Variants in PRKCA observed in about 807,000 individuals in gnomAD.
PRKCA encodes the protein protein kinase C alpha, also known as protein kinase C alpha type.
PRKCA carries 27 observed loss-of-function variants against 87.0 expected under a neutral mutation model. That is an observed-to-expected ratio of 0.31 (90% CI 0.23 to 0.43). The LOEUF (loss-of-function observed/expected upper bound fraction) is 0.43. Ranked by LOEUF, PRKCA falls within the 20% of genes least tolerant of loss-of-function variation. The probability of loss-of-function intolerance (pLI) is 1.00; values close to 1 mark genes in which losing one functional copy is unlikely to be tolerated. For missense variants in PRKCA, 518 were observed against 852.3 expected, an observed-to-expected ratio of 0.61 and a Z score of 4.88; for synonymous variants, 329 against 311.1, an observed-to-expected ratio of 1.06 and a Z score of -0.61.
chr17:66,703,653 G>C (rs1437587638), intron 8 of PRKCA: 1 of 152,116 alleles, frequency 6.6e-6, no homozygotes, highest in Non-Finnish European at 1.5e-5. Flanking sequence ...AAATTAGCCA[G>C]GCATGGTGGT....
chr17:66,485,582 CCAT>C (rs1164993688), intron 2 of PRKCA, among the ~76,000 whole-genome samples: 3 of 152,094 alleles, frequency 2.0e-5, no homozygotes, highest in Admixed American at 2.0e-4. Flanking sequence ...GTTTTGCCTG[CCAT>C]TTGGGAGAAG....
intron 16 of PRKCA, chr17:66,796,504 G>T: frequency 1.0e-6 from 1 of 985,344 alleles, no homozygotes; most frequent in East Asian, 1.1e-4. Flanking sequence ...CGGTGAGCAC[G>T]TTTCCAGAAC....
At chr17:66,728,434 A>G (rs923990661) in intron 8 of PRKCA, among the ~76,000 whole-genome samples, 2 of 152,210 alleles carry the variant, frequency 1.3e-5, no homozygotes, top group African/African-American at 4.8e-5. Flanking sequence ...CAGAGCAGGA[A>G]GCGTGTGGCG....
chr17:66,440,449 C>T (rs553294355), intron 2 of PRKCA, among the ~76,000 whole-genome samples: 1 of 152,316 alleles, frequency 6.6e-6, no homozygotes, highest in Non-Finnish European at 1.5e-5. Context: ...CTTTCTATTT[C>T]TAGAGTCCTA....
chr17:66,732,874 C>T (rs376447717), intron 9 of PRKCA, 49 bp downstream of exon 9: 64 of 1,587,610 alleles, frequency 4.0e-5, no homozygotes, highest in East Asian at 1.1e-4. Context: ...CAGAGAATGT[C>T]GAATCAGTTT....
chr17:66,711,271 A>G (rs1973320904), intron 8 of PRKCA, among the ~76,000 whole-genome samples: 1 of 152,208 alleles, frequency 6.6e-6, no homozygotes, highest in African/African-American at 2.4e-5. Context: ...CATCTGCATT[A>G]GCATGCAATC....
chr17:66,620,524 G>A (rs1478195970), intron 3 of PRKCA, among the ~76,000 whole-genome samples: 1 of 152,124 alleles, frequency 6.6e-6, no homozygotes, highest in Non-Finnish European at 1.5e-5. Context: ...CAGGAGAATC[G>A]GGGAAATGTA....
At chr17:66,594,693 G>C (rs1053458526) in intron 3 of PRKCA, among the ~76,000 whole-genome samples, 2 of 152,044 alleles carry the variant, frequency 1.3e-5, no homozygotes, top group African/African-American at 4.8e-5. Context: ...CCCAGTTCCT[G>C]GGGAAAATAA....
At chr17:66,646,163 A>G (rs1971448769) in intron 5 of PRKCA, among the ~76,000 whole-genome samples, 1 of 152,146 alleles carries the variant, frequency 6.6e-6, no homozygotes, top group Admixed American at 6.5e-5. Context: ...CTGTGCTTAT[A>G]ATTACCACAC....
chr17:66,633,204 G>GT (rs1157595862), intron 3 of PRKCA, among the ~76,000 whole-genome samples: 3 of 152,108 alleles, frequency 2.0e-5, no homozygotes, highest in African/African-American at 7.2e-5. Flanking sequence ...AATTACAGTG[G>GT]TCCCCAAGTT....
At chr17:66,778,338 C>T (rs944325259) in intron 14 of PRKCA, 1 of 560,726 alleles carries the variant, frequency 1.8e-6, no homozygotes, top group Non-Finnish European at 2.3e-6. Context: ...ACAGTGAAAC[C>T]CCATCTCTAC....
intron 2 of PRKCA, among the ~76,000 whole-genome samples, chr17:66,328,924 C>T (rs1051487613): frequency 5.3e-5 from 8 of 152,260 alleles, no homozygotes; most frequent in South Asian, 2.1e-4. Context: ...CCATTTAATC[C>T]GTGTTAAAAA....
At chr17:66,405,113 T>C (rs1911288660) in intron 2 of PRKCA, among the ~76,000 whole-genome samples, 1 of 152,104 alleles carries the variant, frequency 6.6e-6, no homozygotes, top group South Asian at 2.1e-4. Flanking sequence ...AGCCCGCCCC[T>C]ATCTCTCCCA....
intron 8 of PRKCA, among the ~76,000 whole-genome samples, chr17:66,728,200 G>A (rs924147229): frequency 2.6e-5 from 4 of 152,206 alleles, no homozygotes; most frequent in Admixed American, 2.6e-4. Flanking sequence ...GGGAGCAAGG[G>A]CGTGAAGATG....
At chr17:66,494,841 G>A (rs976842704) in intron 2 of PRKCA, among the ~76,000 whole-genome samples, 8 of 152,040 alleles carry the variant, frequency 5.3e-5, no homozygotes, top group South Asian at 4.2e-4. Flanking sequence ...GTAGCTCAAC[G>A]CCTACAATCC....
chr17:66,778,117 G>A (rs918532488), intron 14 of PRKCA: 26 of 985,416 alleles, frequency 2.6e-5, no homozygotes, highest in Non-Finnish European at 3.1e-5. Context: ...GCTCTCAATA[G>A]TTCTGCAAAC....
intron 8 of PRKCA, among the ~76,000 whole-genome samples, chr17:66,705,032 G>A (rs971625860): frequency 6.6e-6 from 1 of 152,064 alleles, no homozygotes; most frequent in African/African-American, 2.4e-5. Context: ...GCCCTGCCAC[G>A]GTTACTATGG....
intron 5 of PRKCA, among the ~76,000 whole-genome samples, chr17:66,677,912 C>T (rs778703523): frequency 7.9e-5 from 12 of 152,160 alleles, no homozygotes; most frequent in Non-Finnish European, 1.5e-4. Flanking sequence ...CAAGATTGTG[C>T]AATATACACC....
At position 66,803,779 on chromosome 17, in the gene PRKCA, A is replaced by G; in HGVS notation, c.1855-94A>G. 1.3e-6 allele frequency: 2 copies of G among 1,528,902 alleles called. No individual in the cohort carries two copies. Among genetic ancestry groups the G allele is most frequent in the South Asian group, 1.3e-5 (1 of 79,776 alleles). 94.7% of individuals were successfully genotyped at this position (1,528,902 alleles called of 1,614,324 possible). On this transcript the variant is annotated intron_variant, in intron 16 of 16. Coordinates refer to ENST00000413366, the MANE Select transcript of PRKCA (RefSeq NM_002737.3). This position sits in a 1 kb window ranked among gnomAD's most constrained non-coding sequence, Gnocchi z 4.4. ...CCTCCTAACCAGCCCGGAGTTCCCC[A>G]GGGCCGTGCCCCTCCCCAGAGAGGG...
Sources: gnomAD v4.1 joint callset for allele counts (sites outside exome capture counted in the v4.1 genomes callset) on GRCh38, gnomAD v4.1.1 for gene constraint, Gnocchi (gnomAD v3.1) non-coding constraint, MANE v1.5 for transcripts, NCBI Gene and HGNC (gene_info 2026-07-23, HGNC 2026-07-21) for gene names.